WDR59: variants seen among roughly 807,000 people sequenced by gnomAD.
WDR59 encodes the protein GATOR2 complex protein WDR59.
In WDR59, 100 loss-of-function variants were observed where a neutral mutation model predicts 131.2. The ratio of observed to expected loss-of-function variants is 0.76; its 90% CI spans 0.65 to 0.90. WDR59 has a LOEUF of 0.90. WDR59 is among the 40% of genes least tolerant of loss of function. The pLI is 0.00. For missense variants in WDR59, 1,203 were observed against 1,262.2 expected (o/e 0.95, Z 0.71); for synonymous variants, 601 against 466.2 (o/e 1.29, Z -3.72).
rs1330375515 is a variant in WDR59, at chr16:74,886,289, G to A, written c.2527C>T (p.Gln843Ter). 1.2e-6 allele frequency: 2 copies of A among 1,612,266 alleles called. No individual in the cohort carries two copies. Among genetic ancestry groups the A allele is most frequent in the Non-Finnish European group, 8.5e-7 (1 of 1,178,942 alleles). The change falls in exon 24 of 26, where the codon CAG becomes TAG. Residue 843 changes from glutamine to a stop codon, truncating the protein, a stop_gained. Coordinates refer to ENST00000262144, the MANE Select transcript of WDR59 (RefSeq NM_030581.4). LOFTEE classifies it high-confidence loss of function. The part of the protein sequence containing the change: ...YSDPRERERD[Q>*]HDKNKRLLDP... ...GGTTACCTTTTATTTTTATCATGCT[G>A]GTCGCGTTCTCGCTCACGGGGATCA...
Position 74,948,415 on chromosome 16 carries a change from G to C in WDR59, c.445+104C>G, listed in dbSNP as rs1476535113. On this transcript the variant is annotated intron_variant, in intron 6 of 25. Transcript: ENST00000262144. ...GGCGCAGCCCAGACAGAGGCAGTTA[G>C]AGAGGGAGATGGAAAGGAATAGGAA... 1.7e-5 allele frequency: 19 copies of C among 1,090,276 alleles called. No homozygotes were observed. In the Admixed American group the frequency reaches 1.8e-4, roughly 11 times the overall value. The allele number at this position is 1,090,276 out of a possible 1,614,324, so 67.5% of individuals were successfully genotyped here.
intron 17 of WDR59, among the ~76,000 whole-genome samples, chr16:74,906,834 G>A (rs1965843070): frequency 6.6e-6 from 1 of 152,200 alleles, no homozygotes; most frequent in Admixed American, 6.5e-5. Flanking sequence ...TCCTCTGGGT[G>A]CTGAAGGGCG....
chr16:74,894,776 G>A (rs1053565240), intron 18 of WDR59, among the ~76,000 whole-genome samples: 7 of 152,176 alleles, frequency 4.6e-5, no homozygotes, highest in African/African-American at 1.7e-4. Context: ...TATTTGTTAT[G>A]AATTTAGTCT....
At chr16:74,931,150 G>A (rs1352307642) in intron 8 of WDR59, among the ~76,000 whole-genome samples, 2 of 151,820 alleles carry the variant, frequency 1.3e-5, no homozygotes, top group African/African-American at 2.4e-5. Flanking sequence ...ACTTAAATAA[G>A]CCTTGGGTTT....
Position 74,929,360 on chromosome 16 carries a change from C to A in WDR59, c.652-5357G>T, listed in dbSNP as rs540913337. On this transcript the variant is annotated intron_variant, in intron 8 of 25. Transcript: ENST00000262144. ...AAAGTGCTGGGATTATAGGCGTGAG[C>A]CACTGCGCCCGGCTGAACAGACATC... is the stretch of plus-strand genomic sequence containing the variant. 3.9e-5 allele frequency among the ~76,000 whole-genome samples: 6 copies of A among 152,274 alleles called. No individual in the cohort carries two copies. In the South Asian group the frequency reaches 1.2e-3, roughly 32 times the overall value.
chr16:74,893,576 T>C (rs1446650373), intron 19 of WDR59, 103 bp downstream of exon 19: 2 of 1,350,598 alleles, frequency 1.5e-6, no homozygotes, highest in Admixed American at 2.4e-5. Flanking sequence ...GGGCTTTTCC[T>C]AAAACTGCTT....
Position 74,909,648 on chromosome 16 carries a change from C to T in WDR59, c.1495G>A (p.Asp499Asn). 1 of 1,569,090 alleles carries T rather than the reference C, an allele frequency of 6.4e-7. No individual in the cohort carries two copies. Among genetic ancestry groups the T allele is most frequent in the African/African-American group, 1.4e-5 (1 of 72,736 alleles). ...GCAAACGGGTTGCTGGAAGCGCTGT[C>T]TTCCTGGTTCTGAAATTTAAAAATC... The part of the protein sequence containing the change: ...SCLESFVNQE[D>N]SASSNPFALP... Residue 499 changes from aspartate (D) to asparagine (N), a missense_variant, in exon 16 of 26, where the codon GAC becomes AAC. By Grantham distance (23) the Asp-to-Asn change is conservative. Transcript: ENST00000262144.
chr16:74,934,307 C>CT lies in WDR59; in HGVS notation c.651+3842dup, dbSNP rs201478635. On this transcript the variant is annotated intron_variant, in intron 8 of 25. Coordinates refer to ENST00000262144, the MANE Select transcript of WDR59 (RefSeq NM_030581.4). ...CATATAACTGTTAGCAAGATTAATC[C>CT]TTTTTTTTTAAGAAAAAAAGAAAGA... Among the ~76,000 whole-genome samples, 1,437 of 150,804 alleles carry CT rather than the reference C, an allele frequency of 9.5e-3. 16 individuals are homozygous for CT. The highest frequency in any genetic ancestry group is 0.029 in the African/African-American group (1,187 of 41,146).
At chr16:74,909,954 A>G (rs1411177799) in intron 14 of WDR59, 37 bp from the exon 15 acceptor site, 2 of 1,437,254 alleles carry the variant, frequency 1.4e-6, no homozygotes, top group East Asian at 2.3e-5. Flanking sequence ...GAAGAGGAAC[A>G]CATTTCTCTG....
At chr16:74,981,645 T>TATATATATAC (rs2034423764) in intron 1 of WDR59, among the ~76,000 whole-genome samples, 1 of 13,232 alleles carries the variant, frequency 7.6e-5, no homozygotes, top group African/African-American at 2.8e-4. Context: ...TATATATATA[T>TATATATATAC]ATATATATAT....
chr16:74,969,027 A>T (rs949153815), intron 1 of WDR59, among the ~76,000 whole-genome samples: 5 of 152,110 alleles, frequency 3.3e-5, no homozygotes, highest in Non-Finnish European at 5.9e-5. Flanking sequence ...AGCCCTCTCC[A>T]CCCTCAGCAC....
At position 74,970,495 on chromosome 16, in the gene WDR59, C is replaced by CAAAA. The variant is rs746574195; in HGVS notation, c.55-4677_55-4674dup. Among the ~76,000 whole-genome samples the CAAAA allele has an allele frequency of 3.8e-3, 128 of 33,404 alleles. 23 individuals carry two copies. Among genetic ancestry groups the CAAAA allele is most frequent in the Non-Finnish European group, 5.1e-3 (80 of 15,674 alleles). The allele number at this position is 33,404 out of a possible 152,430, so 21.9% of individuals were successfully genotyped here. ...GGGTGACAGAGAGAGACTCTGTCTC[C>CAAAA]AAAAAAAAAAAAAAAAAAAAAAAAA... On this transcript the variant is annotated intron_variant, in intron 1 of 25. Transcript: ENST00000262144.
At chr16:74,964,860 C>T (rs192661970) in intron 2 of WDR59, among the ~76,000 whole-genome samples, 1 of 151,972 alleles carries the variant, frequency 6.6e-6, no homozygotes, top group Admixed American at 6.6e-5. Flanking sequence ...GTCAGGAGTT[C>T]GAGGTCAGCC....
chr16:74,937,297 T>C (rs1337683182), intron 8 of WDR59, among the ~76,000 whole-genome samples: 1 of 152,204 alleles, frequency 6.6e-6, no homozygotes, highest in Non-Finnish European at 1.5e-5. Flanking sequence ...GAATCACTAA[T>C]AAAATGACTC....
At chr16:74,959,895 G>A (rs2033479218) in intron 2 of WDR59, among the ~76,000 whole-genome samples, 1 of 149,286 alleles carries the variant, frequency 6.7e-6, no homozygotes, top group South Asian at 2.1e-4. Context: ...GATAAATGCA[G>A]AAGAGAAAAA....
At chr16:74,892,724 G>A (rs1274955900) in intron 19 of WDR59, among the ~76,000 whole-genome samples, 159 bp from the exon 20 acceptor site, 4 of 152,208 alleles carry the variant, frequency 2.6e-5, no homozygotes, top group Non-Finnish European at 4.4e-5. Flanking sequence ...CTGACTCAGA[G>A]GAAAAGCTTA....
intron 3 of WDR59, among the ~76,000 whole-genome samples, chr16:74,951,868 C>G (rs1320059079): frequency 6.6e-6 from 1 of 152,162 alleles, no homozygotes; most frequent in South Asian, 2.1e-4. Flanking sequence ...GTCCCGGCCA[C>G]TAGAGGAACC....
chr16:74,961,227 G>C (rs9937147), intron 2 of WDR59, among the ~76,000 whole-genome samples: 2,636 of 152,018 alleles, frequency 0.017, 77 homozygotes, highest in African/African-American at 0.06. Flanking sequence ...AGGATCACTT[G>C]AGCCCTGGAA....
intron 1 of WDR59, among the ~76,000 whole-genome samples, chr16:74,971,919 G>A (rs1486272412): frequency 2.9e-5 from 3 of 104,432 alleles, no homozygotes; most frequent in African/African-American, 1.1e-4. Context: ...ATGTAGCCCA[G>A]TCTGGTGTTG....
Sources: gnomAD v4.1 joint callset for allele counts (sites outside exome capture counted in the v4.1 genomes callset) on GRCh38, gnomAD v4.1.1 for gene constraint, MANE v1.5 for transcripts, NCBI Gene and HGNC (gene_info 2026-07-23, HGNC 2026-07-21) for gene names.